ADCY2: variants seen among roughly 807,000 people sequenced by gnomAD.
ADCY2 encodes the protein adenylate cyclase 2, also known as adenylate cyclase type 2.
Under a neutral mutation model 125.2 loss-of-function variants are expected in ADCY2, and 31 were observed. The ratio of observed to expected loss-of-function variants is 0.25; its 90% CI spans 0.19 to 0.33. The LOEUF is 0.33. ADCY2 is among the 10% of genes least tolerant of loss of function. The pLI is 1.00. For missense variants in ADCY2, 904 were observed against 1,418.2 expected (o/e 0.64, Z 5.82); for synonymous variants, 512 against 548.4 (o/e 0.93, Z 0.93).
chr5:7,494,200 C>G (rs1561056194), intron 2 of ADCY2, among the ~76,000 whole-genome samples: 1 of 152,122 alleles, frequency 6.6e-6, no homozygotes, highest in African/African-American at 2.4e-5. Context: ...AGGGGAATCA[C>G]CTGCTTCCTG....
At chr5:7,544,374 A>G (rs989725729) in intron 3 of ADCY2, among the ~76,000 whole-genome samples, 13 of 152,130 alleles carry the variant, frequency 8.5e-5, no homozygotes, top group African/African-American at 2.9e-4. Context: ...CCTTCTGGAG[A>G]CTTTATGAGA....
At chr5:7,788,112 C>G (rs1744136791) in intron 19 of ADCY2, among the ~76,000 whole-genome samples, 1 of 152,132 alleles carries the variant, frequency 6.6e-6, no homozygotes, top group Non-Finnish European at 1.5e-5. Flanking sequence ...TAATTTCTAT[C>G]AGTCCATGGT....
intron 21 of ADCY2, among the ~76,000 whole-genome samples, chr5:7,803,198 T>G (rs1400522335): frequency 6.6e-6 from 1 of 152,176 alleles, no homozygotes; most frequent in African/African-American, 2.4e-5. Context: ...TGATCCTGGG[T>G]GCATCATGAC....
rs561335408 is a variant in ADCY2, at chr5:7,432,030, C to T, written c.408+17260C>T. ...CCCTAAAAACCTCAAGCTCTACTGG[C>T]AGAGAGAAGAGAAGCAGCTGGATGT... On this transcript the variant is annotated intron_variant, in intron 2 of 24. Transcript: ENST00000338316. Among the ~76,000 whole-genome samples the T allele has an allele frequency of 6.6e-5, 10 of 152,168 alleles. No individual in the cohort carries two copies. The South Asian group carries it at 1.7e-3, about 25-fold the overall frequency.
In ADCY2 at chr5:7,547,033, A is replaced by G. The variant is rs540586855; in HGVS notation, c.570+26134A>G. 3.3e-5 allele frequency among the ~76,000 whole-genome samples: 5 copies of G among 152,222 alleles called. No individual in the cohort carries two copies. The East Asian group carries it at 7.7e-4, about 24-fold the overall frequency. On this transcript the variant is annotated intron_variant, in intron 3 of 24. Transcript: ENST00000338316. ...AGTTCCATGGGTATATGAGAGTGGG[A>G]TCTACTCTCAGAATATGCTACTCCT...
intron 18 of ADCY2, among the ~76,000 whole-genome samples, chr5:7,779,157 C>T (rs1055710950): frequency 1.3e-5 from 2 of 152,146 alleles, no homozygotes; most frequent in South Asian, 2.1e-4. Flanking sequence ...ACTTTAACAA[C>T]AAAGCAAGTC....
chr5:7,571,824 G>T (rs1004330865), intron 3 of ADCY2, among the ~76,000 whole-genome samples: 3 of 152,056 alleles, frequency 2.0e-5, no homozygotes, highest in Non-Finnish European at 2.9e-5. Flanking sequence ...AGTGTCTATT[G>T]TTCCCCTCTG....
intron 20 of ADCY2, among the ~76,000 whole-genome samples, chr5:7,790,212 C>CT (rs79088958): frequency 0.32 from 49,248 of 151,898 alleles, 8,277 homozygotes; most frequent in Admixed American, 0.45. Flanking sequence ...TAAACCATGC[C>CT]TCCCACACGC....
At chr5:7,404,615 A>G (rs952747857) in intron 1 of ADCY2, among the ~76,000 whole-genome samples, 5 of 152,222 alleles carry the variant, frequency 3.3e-5, no homozygotes, top group African/African-American at 1.2e-4. Context: ...CACTTTCCAC[A>G]TGGAAGTGAC....
intron 3 of ADCY2, among the ~76,000 whole-genome samples, chr5:7,614,154 G>A (rs1465062844): frequency 6.6e-6 from 1 of 152,212 alleles, no homozygotes; most frequent in Non-Finnish European, 1.5e-5. Context: ...TCTCATGAGT[G>A]TCAACAGAGA....
intron 3 of ADCY2, among the ~76,000 whole-genome samples, chr5:7,607,386 T>G (rs1400623316): frequency 1.3e-5 from 2 of 152,236 alleles, no homozygotes; most frequent in Non-Finnish European, 2.9e-5. Flanking sequence ...GACATCAGTT[T>G]CTCTGTTGGT....
chr5:7,797,361 G>A (rs1460758738), intron 20 of ADCY2: 1 of 152,256 alleles, frequency 6.6e-6, no homozygotes, highest in African/African-American at 2.4e-5. Flanking sequence ...CTGAGCGCCG[G>A]TGGCAGCTTT....
At chr5:7,683,300 C>T (rs1291978790) in intron 4 of ADCY2, among the ~76,000 whole-genome samples, 1 of 152,216 alleles carries the variant, frequency 6.6e-6, no homozygotes, top group Non-Finnish European at 1.5e-5. Context: ...CTCCCCACGT[C>T]AGAGCAGCTG....
rs114206944 is a variant in ADCY2, at chr5:7,753,550, G to A, written c.1957-3899G>A. On this transcript the variant is annotated intron_variant, in intron 15 of 24. Coordinates refer to ENST00000338316, the MANE Select transcript of ADCY2 (RefSeq NM_020546.3). ...TTTATAACATTTAATTAGGATGGTC[G>A]GAATTTTGATAAACATTTTTCCACC... 7.4e-3 allele frequency among the ~76,000 whole-genome samples: 1,121 copies of A among 152,220 alleles called. 5 individuals carry two copies. Among genetic ancestry groups the A allele is most frequent in the East Asian group, 0.015 (78 of 5,188 alleles).
chr5:7,578,754 A>G (rs530680424), intron 3 of ADCY2, among the ~76,000 whole-genome samples: 1 of 152,260 alleles, frequency 6.6e-6, no homozygotes, highest in South Asian at 2.1e-4. Flanking sequence ...ACGGTGCCTG[A>G]CATCCCCTAC....
intron 2 of ADCY2, among the ~76,000 whole-genome samples, chr5:7,433,307 AAC>A (rs1740673955): frequency 6.6e-6 from 1 of 152,206 alleles, no homozygotes; most frequent in African/African-American, 2.4e-5. Context: ...TCCTTGGGCA[AAC>A]ACATATTTTA....
chr5:7,750,130 A>G (rs1001057426), intron 15 of ADCY2, among the ~76,000 whole-genome samples: 2 of 152,078 alleles, frequency 1.3e-5, no homozygotes, highest in Non-Finnish European at 2.9e-5. Flanking sequence ...TATTATAATT[A>G]TTACTAAAAT....
intron 14 of ADCY2, among the ~76,000 whole-genome samples, chr5:7,733,493 G>T (rs1440377849): frequency 1.3e-5 from 2 of 152,162 alleles, no homozygotes; most frequent in Non-Finnish European, 2.9e-5. Flanking sequence ...GCAGGCACAG[G>T]TTGGGGAGGG....
In ADCY2 at chr5:7,769,233, A is replaced by G. The variant is rs187567721; in HGVS notation, c.2214+2427A>G. ...CAAAAACATGTTTGTGCATGTGTTT[A>G]TGTAACATCAACAAAAAGAAAGAAA... On this transcript the variant is annotated intron_variant, in intron 17 of 24. Transcript: ENST00000338316. Among the ~76,000 whole-genome samples, 518 of 152,364 alleles carry G rather than the reference A, an allele frequency of 3.4e-3. 2 individuals carry two copies. Among genetic ancestry groups the G allele is most frequent in the Non-Finnish European group, 5.0e-3 (342 of 68,038 alleles).
Sources: gnomAD v4.1 joint callset for allele counts (sites outside exome capture counted in the v4.1 genomes callset) on GRCh38, gnomAD v4.1.1 for gene constraint, MANE v1.5 for transcripts, NCBI Gene and HGNC (gene_info 2026-07-23, HGNC 2026-07-21) for gene names.